Variants in FRAS1 observed in about 807,000 individuals in gnomAD.
FRAS1 encodes Fraser extracellular matrix complex subunit 1.
A neutral mutation model predicts 435.2 loss-of-function variants in FRAS1; 290 were observed. The ratio of observed to expected loss-of-function variants is 0.67; its 90% confidence interval spans 0.61 to 0.73. The LOEUF (loss-of-function observed/expected upper bound fraction) is 0.73. FRAS1 is among the 30% of genes least tolerant of loss of function. FRAS1 has a pLI of 0.00. For missense variants in FRAS1, 4,860 were observed against 5,001.5 expected, an observed-to-expected ratio of 0.97 and a Z score of 0.85; for synonymous variants, 1,800 against 1,851.0, an observed-to-expected ratio of 0.97 and a Z score of 0.71.
At chr4:78,364,401 G>A (rs1228151750) in intron 22 of FRAS1, among the ~76,000 whole-genome samples, 1 of 152,178 alleles carries the variant, frequency 6.6e-6, no homozygotes, top group Non-Finnish European at 1.5e-5. Context: ...CCCATTCTAT[G>A]ACCCTAGGCA....
intron 22 of FRAS1, among the ~76,000 whole-genome samples, chr4:78,367,421 AAAAG>A (rs910645518): frequency 2.0e-5 from 3 of 151,904 alleles, no homozygotes; most frequent in Non-Finnish European, 2.9e-5. Flanking sequence ...AAAAAAAAAA[AAAAG>A]AAGATTCAGG....
intron 70 of FRAS1, among the ~76,000 whole-genome samples, chr4:78,532,972 G>A (rs1026853355): frequency 2.6e-5 from 4 of 152,148 alleles, no homozygotes; most frequent in Non-Finnish European, 5.9e-5. Context: ...ACAAGATGGT[G>A]ATTTCCCCTT....
chr4:78,407,761 A>G lies in FRAS1; in HGVS notation c.4228A>G (p.Thr1410Ala). The change falls in exon 31 of 74, where the codon ACC (threonine) becomes GCC (alanine). Residue 1410 changes from threonine (T) to alanine (A), a missense_variant. Coordinates refer to ENST00000512123, the MANE Select transcript of FRAS1 (RefSeq NM_025074.7). ...GRTATPTSTF[T>A]QQDINEGIVW... is the part of the protein sequence containing the mutation. ...GACAGCTACCCCCACCAGCACCTTC[A>G]CCCAGCAGGACATCAATGAAGGCAT... 1 of 1,613,782 alleles carries G rather than the reference A, an allele frequency of 6.2e-7. No individual in the cohort carries two copies. The highest frequency in any genetic ancestry group is 1.1e-5 in the South Asian group (1 of 91,066).
chr4:78,222,157 G>A (rs1724086145), intron 2 of FRAS1, among the ~76,000 whole-genome samples: 1 of 152,134 alleles, frequency 6.6e-6, no homozygotes, highest in Non-Finnish European at 1.5e-5. Flanking sequence ...AGCTCTGGAA[G>A]AGTTACGGAG....
chr4:78,091,397 G>A (rs1384907018), intron 2 of FRAS1, among the ~76,000 whole-genome samples: 1 of 152,014 alleles, frequency 6.6e-6, no homozygotes, highest in Non-Finnish European at 1.5e-5. Flanking sequence ...GTTAATAGGA[G>A]ATTCTCATGT....
rs1560625478 is a variant in FRAS1, at chr4:78,282,870, G to GT, written c.1158_1159insT (p.Ala387CysfsTer50). 6.2e-7 allele frequency: 1 copy of GT among 1,612,884 alleles called. No homozygotes were observed. The highest frequency in any genetic ancestry group is 8.5e-7 in the Non-Finnish European group (1 of 1,179,626). ...CTTGCAAGGTGTGTGAGTGCCGAGG[G>GT]GCTCAGGTAACTTGCTACGAGCCCT... On this transcript the variant is annotated frameshift_variant, in exon 12 of 74. Transcript: ENST00000512123. LOFTEE classifies it high-confidence loss of function.
intron 38 of FRAS1, 121 bp from the exon 39 acceptor site, chr4:78,438,427 TACAAAGAGAAAGAGACTTTAAG>T (rs1383214133): frequency 5.1e-6 from 4 of 779,294 alleles, no homozygotes; most frequent in African/African-American, 3.6e-5. Flanking sequence ...TAGTTTGAAA[TACAAAGAGAAAGAGACTTTAAG>T]ACAAAGAGAA....
intron 27 of FRAS1, 139 bp from the exon 28 acceptor site, chr4:78,383,920 A>G (rs1157785397): frequency 5.1e-6 from 3 of 583,526 alleles, no homozygotes; most frequent in Non-Finnish European, 9.1e-6. Flanking sequence ...TTTTCTTTAT[A>G]GTATGAGTGT....
chr4:78,289,411 C>T (rs187943015), intron 14 of FRAS1, among the ~76,000 whole-genome samples: 1 of 152,284 alleles, frequency 6.6e-6, no homozygotes, highest in East Asian at 1.9e-4. Flanking sequence ...CTTCATTTCC[C>T]CTGCCTTTAC....
At chr4:78,086,487 G>A (rs2109886998) in intron 2 of FRAS1, among the ~76,000 whole-genome samples, 1 of 152,242 alleles carries the variant, frequency 6.6e-6, no homozygotes, top group Non-Finnish European at 1.5e-5. Context: ...GAATCCAGGA[G>A]CTGATTTTTT....
At chr4:78,331,179 A>G (rs993373122) in intron 18 of FRAS1, among the ~76,000 whole-genome samples, 1 of 152,240 alleles carries the variant, frequency 6.6e-6, no homozygotes, top group Non-Finnish European at 1.5e-5. Flanking sequence ...AAGAACGTTA[A>G]TTAAAAATAT....
intron 22 of FRAS1, among the ~76,000 whole-genome samples, chr4:78,369,062 G>A (rs765142599): frequency 8.5e-5 from 13 of 152,226 alleles, no homozygotes; most frequent in Admixed American, 7.2e-4. Context: ...GGCTGTGATA[G>A]TAGTTCAGCA....
chr4:78,445,736 G>A (rs1211577315), intron 42 of FRAS1, 24 bp downstream of exon 42: 1 of 1,613,480 alleles, frequency 6.2e-7, no homozygotes, highest in Non-Finnish European at 8.5e-7. Flanking sequence ...AAGTTGGAAA[G>A]GTTGAGCCCT....
rs572924008 is a variant in FRAS1 at position 78,474,691 on chromosome 4, C to A, written c.7683-747C>A. Among the ~76,000 whole-genome samples, 3 of 152,190 alleles carry A rather than the reference C, an allele frequency of 2.0e-5. No individual in the cohort carries two copies. In the South Asian group the frequency reaches 6.2e-4, roughly 32 times the overall value. On this transcript the variant is annotated intron_variant, in intron 53 of 73. Coordinates refer to ENST00000512123, the MANE Select transcript of FRAS1 (RefSeq NM_025074.7). ...GCAATGAGGACTGAGCTCTCAGAGT[C>A]ACTTTCCCTGCTGTCCTCACAGCAA...
At chr4:78,234,294 T>C (rs370063564) in intron 2 of FRAS1, among the ~76,000 whole-genome samples, 23 of 152,150 alleles carry the variant, frequency 1.5e-4, no homozygotes, top group Middle Eastern at 3.4e-3. Flanking sequence ...GGCGCGATCT[T>C]GGCTCACTGC....
intron 52 of FRAS1, among the ~76,000 whole-genome samples, chr4:78,472,997 C>T (rs1403317734): frequency 6.6e-6 from 1 of 152,048 alleles, no homozygotes; most frequent in African/African-American, 2.4e-5. Context: ...AAGTTTTAAC[C>T]CAACCCCAGC....
intron 17 of FRAS1, among the ~76,000 whole-genome samples, chr4:78,318,587 G>T (rs908084563): frequency 6.6e-6 from 1 of 152,082 alleles, no homozygotes; most frequent in African/African-American, 2.4e-5. Context: ...TGTCTAGCCC[G>T]ACAGCCCTTA....
At chr4:78,130,533 T>G (rs9998932) in intron 2 of FRAS1, among the ~76,000 whole-genome samples, 42,371 of 152,052 alleles carry the variant, frequency 0.28, 6,228 homozygotes, top group African/African-American at 0.35. Context: ...CCATTTTTCT[T>G]TCTCAAAAAG....
At chr4:78,427,629 G>A (rs1734047597) in intron 35 of FRAS1, among the ~76,000 whole-genome samples, 1 of 152,156 alleles carries the variant, frequency 6.6e-6, no homozygotes, top group African/African-American at 2.4e-5. Context: ...ATCCAGAGAG[G>A]AGATCAAATG....
Sources: allele counts gnomAD v4.1 joint callset (sites outside exome capture counted in the v4.1 genomes callset), GRCh38; gene constraint gnomAD v4.1.1; transcripts MANE v1.5; gene names NCBI Gene and HGNC (gene_info 2026-07-23, HGNC 2026-07-21).